Variants in MASP2 observed in about 807,000 individuals in gnomAD.
The protein encoded by MASP2 is MBL associated serine protease 2, also known as mannan-binding lectin serine protease 2.
MASP2 carries 49 observed loss-of-function variants against 57.1 expected under a neutral mutation model. That is an observed-to-expected ratio of 0.86 (90% CI 0.68 to 1.09). The LOEUF (loss-of-function observed/expected upper bound fraction) is 1.09, where lower values mean the gene tolerates loss of function less well. MASP2 is among the 50% of genes least tolerant of loss of function. The pLI is 0.00. For missense variants in MASP2, 900 were observed against 874.8 expected (o/e 1.03, Z -0.36); for synonymous variants, 379 against 340.8 (o/e 1.11, Z -1.24).
At chr1:11,027,718 C>G (rs576419375) in intron 10 of MASP2, 70 bp from the exon 11 acceptor site, 48 of 1,486,762 alleles carry the variant, frequency 3.2e-5, no homozygotes, top group Non-Finnish European at 4.0e-5. Context: ...AAATTATGAC[C>G]GCCTTGAAGT....
intron 6 of MASP2, 147 bp from the exon 7 acceptor site, chr1:11,037,958 A>C (rs1253982592): frequency 2.1e-6 from 1 of 484,236 alleles, no homozygotes; most frequent in Middle Eastern, 4.3e-4. Context: ...TTTAAAACCA[A>C]AGGCAAGATT....
intron 8 of MASP2, among the ~76,000 whole-genome samples, chr1:11,031,122 C>T (rs1055107337): frequency 1.3e-5 from 2 of 152,080 alleles, no homozygotes; most frequent in African/African-American, 4.8e-5. Context: ...AACTAAATGG[C>T]TGAACTGAGG....
chr1:11,027,280 T>C lies in MASP2; in HGVS notation c.1666A>G (p.Lys556Glu), dbSNP rs145666903. ...GTCCTCATAAAGGATTCAGCTTCTTTTCTTGGCAGACAAATAGGCGTGATG... is the reference window on the plus strand; with the variant it reads ...GTCCTCATAAAGGATTCAGCTTCTTCTCTTGGCAGACAAATAGGCGTGATG... ...SNITPICLPR[K>E]EAESFMRTDD... Residue 556 changes from lysine (K) to glutamate (E), a missense_variant, in exon 11 of 11, where the codon AAA becomes GAA. Physicochemically the swap from Lys to Glu is moderately conservative, Grantham distance 56 (BLOSUM62 1). Coordinates refer to ENST00000400897, the MANE Select transcript of MASP2 (RefSeq NM_006610.4). The C allele has an allele frequency of 9.3e-5, 150 of 1,613,962 alleles. No homozygotes were observed. The African/African-American group carries it at 1.7e-3, about 18-fold the overall frequency.
chr1:11,045,564 G>A (rs1376767083), intron 3 of MASP2, 25 bp from the exon 4 acceptor site: 5 of 1,591,876 alleles, frequency 3.1e-6, no homozygotes, highest in East Asian at 2.2e-5. Flanking sequence ...GGGCCAGGCA[G>A]GCCGTCAGGA....
chr1:11,045,419 C>G lies in MASP2; in HGVS notation c.533G>C (p.Arg178Pro). Residue 178 changes from arginine to proline, a missense_variant, in exon 4 of 11, where the codon CGC (arginine) becomes CCC (proline). Transcript: ENST00000400897. ...GCAGCCTCCCTCACCTGAGCAGGTG[C>G]GCTTGTTACGGTGCAGGACGTAGCC... ...RAGYVLHRNK[R>P]TCSALCSGQV... is the part of the protein sequence containing the mutation. The G allele has an allele frequency of 6.2e-7, 1 of 1,613,152 alleles. No individual in the cohort carries two copies. The highest frequency in any genetic ancestry group is 8.5e-7 in the Non-Finnish European group (1 of 1,179,934).
At chr1:11,033,027 A>G (rs1643864736) in intron 8 of MASP2, among the ~76,000 whole-genome samples, 1 of 152,242 alleles carries the variant, frequency 6.6e-6, no homozygotes, top group South Asian at 2.1e-4. Flanking sequence ...TGTTGCTTTC[A>G]TACTTAGAAA....
At chr1:11,031,006 C>A in intron 8 of MASP2, 124 bp from the exon 9 acceptor site, 1 of 928,604 alleles carries the variant, frequency 1.1e-6, no homozygotes, top group Non-Finnish European at 1.6e-6. Context: ...AGTTTGAGAC[C>A]AGCCTGGGCA....
At chr1:11,035,111 G>A (rs898407498) in intron 7 of MASP2, among the ~76,000 whole-genome samples, 3 of 152,104 alleles carry the variant, frequency 2.0e-5, no homozygotes, top group Non-Finnish European at 2.9e-5. Flanking sequence ...CTCGGTGCAC[G>A]TCTATGCCAC....
intron 7 of MASP2, among the ~76,000 whole-genome samples, chr1:11,037,129 C>T (rs974595004): frequency 3.3e-5 from 5 of 152,086 alleles, no homozygotes; most frequent in African/African-American, 4.8e-5. Flanking sequence ...TTCGGCTCAC[C>T]GCAACCTGCG....
rs1432271045 is a variant in MASP2, at chr1:11,038,758, AG to A, written c.890-948del. 2.0e-5 allele frequency among the ~76,000 whole-genome samples: 3 copies of A among 152,328 alleles called. No individual in the cohort carries two copies. In the East Asian group the frequency reaches 5.8e-4, roughly 29 times the overall value. On this transcript the variant is annotated intron_variant, in intron 6 of 10. Transcript: ENST00000400897. Reference sequence around the variant, plus strand: ...AGCCTTGGTGGACCTGTGGAGGCCCAGGGCTTCTAGCACTTGAGTGTCTGTC... The same window carrying A: ...AGCCTTGGTGGACCTGTGGAGGCCCAGGCTTCTAGCACTTGAGTGTCTGTC...
At chr1:11,036,610 AG>A (rs1438368142) in intron 7 of MASP2, among the ~76,000 whole-genome samples, 2 of 146,796 alleles carry the variant, frequency 1.4e-5, no homozygotes, top group African/African-American at 5.0e-5. Flanking sequence ...GAAGTTTGCA[AG>A]GTGGGAAAAG....
chr1:11,035,101 C>T (rs934092641), intron 7 of MASP2, among the ~76,000 whole-genome samples, 195 bp from the exon 8 acceptor site: 1 of 152,132 alleles, frequency 6.6e-6, no homozygotes, highest in Non-Finnish European at 1.5e-5. Flanking sequence ...GCCCCACCGC[C>T]TCGGTGCACG....
intron 8 of MASP2, among the ~76,000 whole-genome samples, chr1:11,031,294 C>T (rs567233381): frequency 2.0e-4 from 31 of 151,672 alleles, no homozygotes; most frequent in South Asian, 4.2e-4. Context: ...GAGGCCGAGG[C>T]GGGCAGATCA....
rs768375199 is a variant in MASP2, at chr1:11,027,672, GA to G, written c.1298-25del. 2.5e-5 allele frequency: 39 copies of G among 1,552,734 alleles called. No individual in the cohort carries two copies. The African/African-American group carries it at 4.6e-4, about 18-fold the overall frequency. On this transcript the variant is annotated intron_variant, in intron 10 of 10. Coordinates refer to ENST00000400897, the MANE Select transcript of MASP2 (RefSeq NM_006610.4). ...AACTGGAGAAAGAAGCAGATAGGTA[GA>G]GAGCCTTTGTAAAAATGTCAATCGT... is the stretch of plus-strand genomic sequence containing the variant.
Position 11,044,821 on chromosome 1 carries a change from T to C in MASP2, c.544+587A>G, listed in dbSNP as rs969449450. On this transcript the variant is annotated intron_variant, in intron 4 of 10. Transcript: ENST00000400897. The stretch of plus-strand genomic sequence containing the variant: ...GGTGGGGTGGGGCCAGGTTTATTAT[T>C]GGGTCCATGGTGGGTGAATGGGAGT... The C allele has an allele frequency of 2.6e-6, 4 of 1,546,582 alleles. No individual in the cohort carries two copies. The African/African-American group carries it at 4.1e-5, about 16-fold the overall frequency.
At chr1:11,045,163 G>T (rs1396972298) in intron 4 of MASP2, 1 of 752,226 alleles carries the variant, frequency 1.3e-6, no homozygotes, top group Admixed American at 2.1e-5. Flanking sequence ...CCAGAGCCCA[G>T]GTGGAACCAG....
At chr1:11,031,547 G>A (rs754582516) in intron 8 of MASP2, among the ~76,000 whole-genome samples, 952 of 38,674 alleles carry the variant, frequency 0.025, 8 homozygotes, top group Non-Finnish European at 0.039. Context: ...AAAAAAAAAA[G>A]GCTGCAGCGG....
At chr1:11,043,653 T>A in intron 4 of MASP2, 118 bp from the exon 5 acceptor site, 1 of 718,456 alleles carries the variant, frequency 1.4e-6, no homozygotes, top group Non-Finnish European at 2.3e-6. Flanking sequence ...CTGGGACATC[T>A]GCATCCCTGG....
chr1:11,038,377 T>C lies in MASP2; in HGVS notation c.890-566A>G, dbSNP rs527856240. ...GTAATCAACCCTCACAGCAGCCCCA[T>C]AGGACAGCTGTTATGGCATGGGGAG... On this transcript the variant is annotated intron_variant, in intron 6 of 10. Transcript: ENST00000400897. Among the ~76,000 whole-genome samples, 13 of 152,258 alleles carry C rather than the reference T, an allele frequency of 8.5e-5. 1 individual carries two copies. The South Asian group carries it at 2.3e-3, about 27-fold the overall frequency.
Sources: gnomAD v4.1 joint callset for allele counts (sites outside exome capture counted in the v4.1 genomes callset) on GRCh38, gnomAD v4.1.1 for gene constraint, MANE v1.5 for transcripts, NCBI Gene and HGNC (gene_info 2026-07-23, HGNC 2026-07-21) for gene names.